The following CLMN variants were observed in gnomAD, a reference collection of about 807,000 sequenced individuals.
CLMN encodes calmin (calponin-like, transmembrane).
Under a neutral mutation model 92.7 loss-of-function variants are expected in CLMN, and 57 were observed. That is an observed-to-expected ratio of 0.61 (90% CI 0.50 to 0.77). The LOEUF is 0.77. Ranked by LOEUF, CLMN falls within the 30% of genes least tolerant of loss-of-function variation. The pLI, the probability that CLMN is intolerant of heterozygous loss-of-function variation, is 0.00. For synonymous variants in CLMN, 466 were observed against 470.6 expected, an observed-to-expected ratio of 0.99 and a Z score of 0.13; for missense variants, 1,158 against 1,237.5, an observed-to-expected ratio of 0.94 and a Z score of 0.96.
chr14:95,254,492 C>T (rs1898915450), intron 1 of CLMN, among the ~76,000 whole-genome samples: 1 of 152,170 alleles, frequency 6.6e-6, no homozygotes, highest in South Asian at 2.1e-4. Context: ...ATATACCCTG[C>T]TCCCAACATA....
At position 95,184,769 on chromosome 14, in the gene CLMN, G is replaced by A. The variant is rs1896402611; in HGVS notation, c.*6795C>T. On this transcript the variant is annotated 3_prime_UTR_variant, in exon 13 of 13. Coordinates refer to ENST00000298912, the MANE Select transcript of CLMN (RefSeq NM_024734.4). The stretch of plus-strand genomic sequence containing the variant: ...CCCATGCCCTGTCTCACACACAATG[G>A]TAGAGAAGTGACAAGACCTGAAGGT... The A allele has an allele frequency of 6.6e-6, 1 of 152,212 alleles. No homozygotes were observed. The highest frequency in any genetic ancestry group is 2.4e-5 in the African/African-American group (1 of 41,434). 9.4% of individuals were successfully genotyped at this position (152,212 alleles called of 1,614,324 possible).
chr14:95,206,264 T>C (rs1897044731), intron 8 of CLMN, among the ~76,000 whole-genome samples: 1 of 152,024 alleles, frequency 6.6e-6, no homozygotes, highest in Admixed American at 6.6e-5. Context: ...CAACATATAT[T>C]AAACAAAAAC....
chr14:95,203,492 C>G lies in CLMN; in HGVS notation c.1857G>C (p.Ser619=), dbSNP rs778737889. 1 of 1,614,070 alleles carries G rather than the reference C, an allele frequency of 6.2e-7. No individual in the cohort carries two copies. The highest frequency in any genetic ancestry group is 1.7e-5 in the Admixed American group (1 of 60,016). The change falls in exon 9 of 13, where the codon TCG becomes TCC. Residue 619 remains serine, a synonymous_variant. Coordinates refer to ENST00000298912, the MANE Select transcript of CLMN (RefSeq NM_024734.4). ...TGTCCATCTTAACTTGAGGCTCTGG[C>G]GAATCCTTCTTTTTGTGAGCAGATT... ...SIKSAHKKKD[S]PEPQVKMDKH... is the part of the protein sequence containing the mutation.
chr14:95,217,976 A>G (rs942282278), intron 4 of CLMN, among the ~76,000 whole-genome samples: 12 of 152,182 alleles, frequency 7.9e-5, no homozygotes, highest in African/African-American at 2.9e-4. Flanking sequence ...ATTTCCAAAA[A>G]CTGTGGCTTG....
chr14:95,213,766 C>G (rs899057005), intron 5 of CLMN, among the ~76,000 whole-genome samples: 1 of 152,152 alleles, frequency 6.6e-6, no homozygotes, highest in Non-Finnish European at 1.5e-5. Flanking sequence ...CTCTTTCAAG[C>G]CCCATTGCTT....
At chr14:95,234,051 C>T (rs180950467) in intron 1 of CLMN, among the ~76,000 whole-genome samples, 3 of 152,322 alleles carry the variant, frequency 2.0e-5, no homozygotes, top group Admixed American at 1.3e-4. Context: ...GGAGAGACTG[C>T]GAGAACTCAA....
chr14:95,189,971 A>C lies in CLMN; in HGVS notation c.*1593T>G, dbSNP rs1896523702. The C allele has an allele frequency of 6.6e-6, 1 of 152,178 alleles. No homozygotes were observed. Among genetic ancestry groups the C allele is most frequent in the Non-Finnish European group, 1.5e-5 (1 of 68,048 alleles). The allele number at this position is 152,178 out of a possible 1,614,324, so 9.4% of individuals were successfully genotyped here. On this transcript the variant is annotated 3_prime_UTR_variant, in exon 13 of 13. Coordinates refer to ENST00000298912, the MANE Select transcript of CLMN (RefSeq NM_024734.4). ...CTGGAATTCTGTAAACTTGAAACCC[A>C]CTGCTTGAAATGAGCAAGTCCTTGG...
intron 4 of CLMN, among the ~76,000 whole-genome samples, chr14:95,221,088 C>A (rs1050323980): frequency 6.6e-6 from 1 of 152,200 alleles, no homozygotes; most frequent in Admixed American, 6.5e-5. Flanking sequence ...GCCAATGTGT[C>A]AGGCAAGCTG....
chr14:95,247,512 T>G (rs1196310846), intron 1 of CLMN, among the ~76,000 whole-genome samples: 3 of 152,236 alleles, frequency 2.0e-5, no homozygotes, highest in African/African-American at 7.2e-5. Flanking sequence ...CCATGTCTTT[T>G]GGGCTTCCTC....
At chr14:95,205,917 A>G (rs1402157726) in intron 8 of CLMN, among the ~76,000 whole-genome samples, 2 of 152,350 alleles carry the variant, frequency 1.3e-5, no homozygotes, top group Admixed American at 1.3e-4. Flanking sequence ...AGCATAGAAC[A>G]TATCAGACCA....
chr14:95,245,066 A>G (rs1314558255), intron 1 of CLMN, among the ~76,000 whole-genome samples: 1 of 132,018 alleles, frequency 7.6e-6, no homozygotes, highest in Non-Finnish European at 1.6e-5. Flanking sequence ...AGGAAGGTTA[A>G]TATCTAAATA....
In CLMN at chr14:95,186,877, T is replaced by G. The variant is rs182298620; in HGVS notation, c.*4687A>C. On this transcript the variant is annotated 3_prime_UTR_variant, in exon 13 of 13. Coordinates refer to ENST00000298912, the MANE Select transcript of CLMN (RefSeq NM_024734.4). The stretch of plus-strand genomic sequence containing the variant: ...CTGTGCCTAGCCAGTTTTCTGTTTC[T>G]TAAGTGAAGCAAGGGTGGTAAAGAA... 7.2e-5 allele frequency: 11 copies of G among 152,344 alleles called. No homozygotes were observed. Among genetic ancestry groups the G allele is most frequent in the African/African-American group, 2.4e-4 (10 of 41,568 alleles). 9.4% of individuals were successfully genotyped at this position (152,344 alleles called of 1,614,324 possible).
chr14:95,204,585 C>CACAA lies in CLMN; in HGVS notation c.886-126_886-123dup, dbSNP rs748648133. The CACAA allele has an allele frequency of 3.3e-6, 3 of 922,132 alleles. No homozygotes were observed. In the African/African-American group the frequency reaches 5.0e-5, roughly 16 times the overall value. The allele number at this position is 922,132 out of a possible 1,614,324, so 57.1% of individuals were successfully genotyped here. A position where few individuals can be genotyped will look rare whatever the true frequency, so the allele number is the denominator to read the frequency against. On this transcript the variant is annotated intron_variant, in intron 8 of 12. Coordinates refer to ENST00000298912, the MANE Select transcript of CLMN (RefSeq NM_024734.4). ...CAACCCATATCCACCTTTCCCAAAA[C>CACAA]ACAAACAAACAAAAATGGAAAAAGC...
rs772168832 is a variant in CLMN at position 95,203,763 on chromosome 14, C to T, written c.1586G>A (p.Gly529Glu). ...DEESHSLSPP[G>E]ENTVMADSFQ... ...GGAATCGGCCATCACAGTATTTTCT[C>T]CTGGGGGTGAAAGAGAGTGACTTTC... Residue 529 changes from glycine to glutamate, a missense_variant, in exon 9 of 13, where the codon GGA becomes GAA. Gly to Glu is a moderately conservative substitution (Grantham distance 98). Coordinates refer to ENST00000298912, the MANE Select transcript of CLMN (RefSeq NM_024734.4). The T allele has an allele frequency of 1.2e-6, 2 of 1,614,126 alleles. No individual in the cohort carries two copies. Among genetic ancestry groups the T allele is most frequent in the South Asian group, 1.1e-5 (1 of 91,074 alleles).
At chr14:95,317,563 C>T (rs960212426) in intron 1 of CLMN, among the ~76,000 whole-genome samples, 2 of 148,060 alleles carry the variant, frequency 1.4e-5, no homozygotes, top group Non-Finnish European at 3.0e-5. Context: ...CAGATACAGG[C>T]GAGAGCACAG....
intron 9 of CLMN, among the ~76,000 whole-genome samples, chr14:95,198,351 CTT>C (rs201736845): frequency 2.1e-5 from 3 of 145,320 alleles, no homozygotes; most frequent in African/African-American, 2.5e-5. Context: ...CTCCTGGCCT[CTT>C]TTTTTTTTTT....
intron 1 of CLMN, among the ~76,000 whole-genome samples, chr14:95,273,238 C>A (rs996817814): frequency 6.6e-6 from 1 of 152,146 alleles, no homozygotes; most frequent in Non-Finnish European, 1.5e-5. Context: ...GGCTTAGAGG[C>A]GACAGTGTGG....
chr14:95,230,034 G>A (rs775994319), intron 2 of CLMN, 38 bp downstream of exon 2: 4 of 1,588,668 alleles, frequency 2.5e-6, no homozygotes, highest in Non-Finnish European at 3.5e-6. Context: ...AGTTACAGAT[G>A]AATCTATCAC....
chr14:95,223,823 G>A lies in CLMN; in HGVS notation c.177C>T (p.Phe59=), dbSNP rs776878397. The change falls in exon 3 of 13, where the codon TTC becomes TTT. Residue 59 remains phenylalanine, a synonymous_variant. Transcript: ENST00000298912. ...CNPPLEVKDL[F]VDIQDGKILM... The stretch of plus-strand genomic sequence containing the variant: ...GGATTTTGCCATCTTGTATATCGAC[G>A]AATAAATCTTTAACTTCTAGAGGTG... The A allele has an allele frequency of 1.1e-5, 17 of 1,613,290 alleles. No homozygotes were observed. In the South Asian group the frequency reaches 1.1e-4, roughly 10 times the overall value.
Sources: gnomAD v4.1 joint callset for allele counts (sites outside exome capture counted in the v4.1 genomes callset) on GRCh38, gnomAD v4.1.1 for gene constraint, MANE v1.5 for transcripts, NCBI Gene and HGNC (gene_info 2026-07-23, HGNC 2026-07-21) for gene names.